SUMF1: variants seen among roughly 807,000 people sequenced by gnomAD.
The protein encoded by SUMF1 is sulfatase modifying factor 1, also known as formylglycine-generating enzyme.
SUMF1 carries 48 observed loss-of-function variants against 47.6 expected under a neutral mutation model. The ratio of observed to expected loss-of-function variants is 1.01; its 90% confidence interval spans 0.80 to 1.28. SUMF1 has a LOEUF of 1.28. Among genes scored for constraint, SUMF1 ranks in the 50% most tolerant of loss-of-function variants. The pLI, the probability that SUMF1 is intolerant of heterozygous loss-of-function variation, is 0.00. For synonymous variants in SUMF1, 230 were observed against 192.1 expected (o/e 1.20, Z -1.63); for missense variants, 571 against 485.4 (o/e 1.18, Z -1.66).
chr3:4,172,570 G>T (rs1694856971), intron 8 of SUMF1, among the ~76,000 whole-genome samples: 1 of 152,116 alleles, frequency 6.6e-6, no homozygotes, highest in Non-Finnish European at 1.5e-5. Flanking sequence ...AGGTTCAGAT[G>T]GGGTTAAGTT....
chr3:4,187,258 A>C (rs1695219587), intron 8 of SUMF1, among the ~76,000 whole-genome samples: 1 of 152,038 alleles, frequency 6.6e-6, no homozygotes, highest in South Asian at 2.1e-4. Context: ...AGTCCCAGCT[A>C]CTCAGGAGGC....
In SUMF1 at chr3:4,265,856, G is replaced by C. The variant is rs77836785; in HGVS notation, c.1014+110474C>G. Among the ~76,000 whole-genome samples the C allele has an allele frequency of 9.2e-3, 1,395 of 152,200 alleles. 65 individuals are homozygous for C. The East Asian group carries it at 0.14, about 16-fold the overall frequency. On this transcript the variant is annotated intron_variant and NMD_transcript_variant, in intron 8 of 12. Transcript: ENST00000448413. The stretch of plus-strand genomic sequence containing the variant: ...TAGGTTTTCTCCTAGGGTTTTTATG[G>C]TTTTAGGTCTAACGTTTAAATCTTT...
At chr3:4,307,745 A>T (rs1559214041) in intron 8 of SUMF1, among the ~76,000 whole-genome samples, 1 of 152,198 alleles carries the variant, frequency 6.6e-6, no homozygotes, top group Admixed American at 6.5e-5. Context: ...CAGGAAATTT[A>T]AAAAATCCCA....
chr3:4,166,906 A>G (rs1241410580), intron 8 of SUMF1, among the ~76,000 whole-genome samples: 1 of 152,220 alleles, frequency 6.6e-6, no homozygotes, highest in Non-Finnish European at 1.5e-5. Flanking sequence ...GCCCTTTCCC[A>G]GAAAGGCTGA....
rs1236636008 is a variant in SUMF1 at position 4,095,196 on chromosome 3, C to T, written c.1015-26451G>A. Among the ~76,000 whole-genome samples the T allele has an allele frequency of 2.6e-5, 4 of 152,110 alleles. No homozygotes were observed. In the East Asian group the frequency reaches 5.8e-4, roughly 22 times the overall value. ...GAAATTTTTAAAAAATGATTTTTTA[C>T]AGGGTAGACTGTATCTATGGTCCTA... On this transcript the variant is annotated intron_variant and NMD_transcript_variant, in intron 8 of 12. Transcript: ENST00000448413.
At chr3:4,248,024 C>T (rs1432154374) in intron 8 of SUMF1, among the ~76,000 whole-genome samples, 1 of 152,176 alleles carries the variant, frequency 6.6e-6, no homozygotes, top group Non-Finnish European at 1.5e-5. Flanking sequence ...TTGTAAAATG[C>T]AAATTGACAC....
intron 7 of SUMF1, among the ~76,000 whole-genome samples, chr3:4,408,625 C>T (rs1437239209): frequency 2.0e-5 from 3 of 151,976 alleles, no homozygotes; most frequent in East Asian, 1.9e-4. Flanking sequence ...GCGAGGAGTT[C>T]GAGACCAGCC....
chr3:4,107,702 C>T (rs1693190706), intron 8 of SUMF1, among the ~76,000 whole-genome samples: 1 of 152,060 alleles, frequency 6.6e-6, no homozygotes, highest in Non-Finnish European at 1.5e-5. Context: ...TCGGTAATAG[C>T]AGCACTTTGG....
At chr3:4,036,872 A>G (rs899934880) in intron 9 of SUMF1, among the ~76,000 whole-genome samples, 140 of 119,372 alleles carry the variant, frequency 1.2e-3, no homozygotes, top group Middle Eastern at 4.3e-3. Flanking sequence ...AAAAAAAAAA[A>G]AGAGACCATG....
chr3:4,115,582 T>C (rs553094024), intron 8 of SUMF1, among the ~76,000 whole-genome samples: 141 of 152,140 alleles, frequency 9.3e-4, no homozygotes, highest in Non-Finnish European at 1.2e-3. Flanking sequence ...GTATGATGCA[T>C]GTTCCTCCGA....
intron 3 of SUMF1, among the ~76,000 whole-genome samples, chr3:4,424,715 C>T (rs1340445565): frequency 1.3e-5 from 2 of 152,076 alleles, no homozygotes; most frequent in Admixed American, 1.3e-4. Flanking sequence ...ATAAAGGTAA[C>T]CTATAGAATA....
intron 8 of SUMF1, among the ~76,000 whole-genome samples, chr3:4,226,113 A>G (rs1427030269): frequency 6.6e-6 from 1 of 152,106 alleles, no homozygotes; most frequent in Non-Finnish European, 1.5e-5. Flanking sequence ...CCCGCTCGCC[A>G]TTTATAAGCA....
At chr3:4,451,617 T>G (rs1467245655) in intron 2 of SUMF1, among the ~76,000 whole-genome samples, 2 of 152,316 alleles carry the variant, frequency 1.3e-5, no homozygotes, top group Non-Finnish European at 2.9e-5. Flanking sequence ...TTGAGGAACC[T>G]GAGCTGAGAG....
At chr3:4,364,717 T>C (rs1247819542) in intron 8 of SUMF1, among the ~76,000 whole-genome samples, 3 of 151,106 alleles carry the variant, frequency 2.0e-5, no homozygotes, top group Admixed American at 2.0e-4. Context: ...TTTGTGTCTC[T>C]ATTTCCTTCA....
rs35699553 is a variant in SUMF1, at chr3:4,145,191, TAA to T, written c.1015-76448_1015-76447del. On this transcript the variant is annotated intron_variant and NMD_transcript_variant, in intron 8 of 12. Coordinates refer to the SUMF1 transcript ENST00000448413. ...CTGGGCAACAGAGTGAAACTCCGTC[TAA>T]AAAAAAAAAAAAAAAAAAAAGCCAT... Among the ~76,000 whole-genome samples, 858 of 90,492 alleles carry T rather than the reference TAA, an allele frequency of 9.5e-3. 8 individuals are homozygous for T. Among genetic ancestry groups the T allele is most frequent in the African/African-American group, 0.033 (805 of 24,038 alleles). 59.4% of individuals were successfully genotyped at this position (90,492 alleles called of 152,430 possible). A position where few individuals can be genotyped will look rare whatever the true frequency, so the allele number is the denominator to read the frequency against.
rs777147225 is a variant in SUMF1, at chr3:4,420,185, C to T, written c.520-39G>A. 8.5e-6 allele frequency: 13 copies of T among 1,524,546 alleles called. No homozygotes were observed. In the Admixed American group the frequency reaches 2.2e-4, roughly 26 times the overall value. 94.4% of individuals were successfully genotyped at this position (1,524,546 alleles called of 1,614,324 possible). ...AGAACAGGCTGATGTTAGCTACTAA[C>T]ATCAACTCTAGAAAAATATCAACTC... On this transcript the variant is annotated intron_variant, in intron 3 of 8. Coordinates refer to ENST00000272902, the MANE Select transcript of SUMF1 (RefSeq NM_182760.4).
intron 8 of SUMF1, among the ~76,000 whole-genome samples, chr3:4,296,139 G>T (rs762649263): frequency 3.2e-4 from 48 of 151,362 alleles, no homozygotes; most frequent in African/African-American, 7.3e-4. Context: ...ACAATACTGG[G>T]TATGACTTAT....
chr3:4,138,844 G>C (rs1226105377), intron 8 of SUMF1, among the ~76,000 whole-genome samples: 1 of 151,996 alleles, frequency 6.6e-6, no homozygotes, highest in East Asian at 1.9e-4. Context: ...TAAATCTGAG[G>C]ATGGTCATGG....
Position 4,039,209 on chromosome 3 carries a change from ATTTTTTTTTTT to A in SUMF1, c.1191+29349_1191+29359del, listed in dbSNP as rs775459424. Among the ~76,000 whole-genome samples the A allele has an allele frequency of 3.8e-4, 15 of 39,498 alleles. 2 individuals carry two copies. Among genetic ancestry groups the A allele is most frequent in the East Asian group, 1.6e-3 (1 of 616 alleles). The allele number at this position is 39,498 out of a possible 152,430, so 25.9% of individuals were successfully genotyped here. ...AAGCATGCCTGAAACATCTATGCAA[ATTTTTTTTTTT>A]TTTTTTTTTTTTTTATTATACTCTA... On this transcript the variant is annotated intron_variant and NMD_transcript_variant, in intron 9 of 12. Coordinates refer to the SUMF1 transcript ENST00000448413.
Sources: allele counts gnomAD v4.1 joint callset (sites outside exome capture counted in the v4.1 genomes callset), GRCh38; gene constraint gnomAD v4.1.1; transcripts MANE v1.5; gene names NCBI Gene and HGNC (gene_info 2026-07-23, HGNC 2026-07-21).